The following NR2C2 variants were observed in gnomAD, a reference collection of about 807,000 sequenced individuals.
NR2C2 encodes the protein nuclear receptor subfamily 2 group C member 2.
In NR2C2, 6 loss-of-function variants were observed where a neutral mutation model predicts 62.9. The ratio of observed to expected loss-of-function variants is 0.10; its 90% CI spans 0.05 to 0.19. NR2C2 has a LOEUF of 0.19. Ranked by LOEUF, NR2C2 falls within the 10% of genes least tolerant of loss-of-function variation. The probability of loss-of-function intolerance (pLI) is 1.00; values close to 1 mark genes in which losing one functional copy is unlikely to be tolerated. For synonymous variants in NR2C2, 272 were observed against 273.8 expected (o/e 0.99, Z 0.07); for missense variants, 479 against 762.7 (o/e 0.63, Z 4.38).
intron 1 of NR2C2, among the ~76,000 whole-genome samples, chr3:14,979,863 G>A (rs910534473): frequency 5.3e-5 from 8 of 152,064 alleles, no homozygotes; most frequent in African/African-American, 1.9e-4. Context: ...TATATTTTGG[G>A]GAGGTATTGG....
chr3:15,034,624 G>T, intron 10 of NR2C2, 46 bp from the exon 11 acceptor site: 1 of 1,594,054 alleles, frequency 6.3e-7, no homozygotes. Flanking sequence ...CAACCTTGGA[G>T]AAATGCCAAC....
chr3:15,034,450 T>G, intron 10 of NR2C2: 1 of 476,702 alleles, frequency 2.1e-6, no homozygotes, highest in South Asian at 3.9e-5. Context: ...AGAATGTTTT[T>G]TAAGAGAATA....
At chr3:14,997,743 T>A (rs548654705) in intron 1 of NR2C2, among the ~76,000 whole-genome samples, 7 of 152,270 alleles carry the variant, frequency 4.6e-5, no homozygotes, top group African/African-American at 9.6e-5. Flanking sequence ...GAAAAAAAAA[T>A]TTAATAGCCC....
At chr3:15,033,260 G>A (rs147245816) in intron 10 of NR2C2, among the ~76,000 whole-genome samples, 651 of 152,352 alleles carry the variant, frequency 4.3e-3, no homozygotes, top group Admixed American at 0.012. Context: ...AGACCTGGTT[G>A]TCGGGCCATA....
At chr3:14,968,887 A>C (rs1356826505) in intron 1 of NR2C2, among the ~76,000 whole-genome samples, 1 of 147,584 alleles carries the variant, frequency 6.8e-6, no homozygotes, top group South Asian at 2.2e-4. Flanking sequence ...TCGCAAGAAC[A>C]AAAAACCAAA....
At position 15,047,427 on chromosome 3, in the gene NR2C2, T is replaced by G. The variant is rs1201128946; in HGVS notation, c.*4419T>G. On this transcript the variant is annotated 3_prime_UTR_variant, in exon 14 of 14. Transcript: ENST00000425241. ...GTTTATCTTAATATCCAAAACTAAG[T>G]GGGAATTTTTAACCTTTTCATGCAC... 1 of 152,158 alleles carries G rather than the reference T, an allele frequency of 6.6e-6. No homozygotes were observed. Among genetic ancestry groups the G allele is most frequent in the Non-Finnish European group, 1.5e-5 (1 of 68,030 alleles). 9.4% of individuals were successfully genotyped at this position (152,158 alleles called of 1,614,324 possible).
chr3:15,002,433 C>T (rs557760550), intron 1 of NR2C2, among the ~76,000 whole-genome samples: 6 of 152,040 alleles, frequency 3.9e-5, no homozygotes, highest in Non-Finnish European at 7.4e-5. Context: ...CCCAGTTATT[C>T]GTGGTGTATA....
At chr3:15,021,369 C>T (rs2041664030) in intron 5 of NR2C2, among the ~76,000 whole-genome samples, 1 of 152,130 alleles carries the variant, frequency 6.6e-6, no homozygotes, top group Non-Finnish European at 1.5e-5. Flanking sequence ...TCTTCTTAGC[C>T]CCTCTACTTT....
rs533936907 is a variant in NR2C2 at position 15,042,628 on chromosome 3, T to C, written c.1617-206T>C. 17 of 529,996 alleles carry C rather than the reference T, an allele frequency of 3.2e-5. No homozygotes were observed. The East Asian group carries it at 3.9e-4, about 12-fold the overall frequency. 32.8% of individuals were successfully genotyped at this position (529,996 alleles called of 1,614,324 possible). On this transcript the variant is annotated intron_variant, in intron 13 of 13. Coordinates refer to ENST00000425241, the MANE Select transcript of NR2C2 (RefSeq NM_001291694.2). ...TAAACAAGAGTGAAGGGAACACATC[T>C]GTACATACATTTTGTACTCATTTGG...
At chr3:15,042,642 G>A (rs1357734872) in intron 13 of NR2C2, 192 bp from the exon 14 acceptor site, 4 of 565,642 alleles carry the variant, frequency 7.1e-6, no homozygotes, top group African/African-American at 1.9e-5. Context: ...CATACATTTT[G>A]TACTCATTTG....
intron 1 of NR2C2, among the ~76,000 whole-genome samples, chr3:14,957,331 T>C (rs758458470): frequency 9.2e-5 from 14 of 152,354 alleles, no homozygotes; most frequent in Non-Finnish European, 1.3e-4. Flanking sequence ...TTCAGGTGTT[T>C]CCAGAGCCCA....
chr3:14,962,809 C>T (rs114774102), intron 1 of NR2C2, among the ~76,000 whole-genome samples: 2,417 of 152,040 alleles, frequency 0.016, 67 homozygotes, highest in African/African-American at 0.054. Flanking sequence ...GTTTCTCGTA[C>T]GCTTGATTCT....
intron 1 of NR2C2, among the ~76,000 whole-genome samples, chr3:14,963,475 A>ATTTTTT (rs1346531597): frequency 1.3e-5 from 2 of 151,912 alleles, no homozygotes; most frequent in Non-Finnish European, 2.9e-5. Flanking sequence ...TTTATTTTTT[A>ATTTTTT]TTTTTTATTT....
chr3:15,009,657 T>A (rs573170345), intron 2 of NR2C2, among the ~76,000 whole-genome samples: 1 of 152,338 alleles, frequency 6.6e-6, no homozygotes, highest in East Asian at 1.9e-4. Context: ...TTAAGAACTT[T>A]TGTTCCAAGT....
At chr3:14,983,266 C>T (rs915146526) in intron 1 of NR2C2, among the ~76,000 whole-genome samples, 1 of 152,122 alleles carries the variant, frequency 6.6e-6, no homozygotes, top group African/African-American at 2.4e-5. Flanking sequence ...TTCCTAGCCT[C>T]GGATAACCAT....
chr3:15,035,478 T>TATA (rs1229219082), intron 11 of NR2C2, among the ~76,000 whole-genome samples: 10 of 152,270 alleles, frequency 6.6e-5, no homozygotes, highest in Non-Finnish European at 1.2e-4. Flanking sequence ...TTTTCTCATG[T>TATA]ATAATAGTTC....
chr3:15,049,096 A>G lies in NR2C2; in HGVS notation c.*6088A>G, dbSNP rs773183266. ...CTTTTTAAACTGAATTTTATATCTA[A>G]TCAATGTCTTCAGTCTTGAAGAAGA... On this transcript the variant is annotated 3_prime_UTR_variant, in exon 14 of 14. Coordinates refer to ENST00000425241, the MANE Select transcript of NR2C2 (RefSeq NM_001291694.2). 4 of 152,634 alleles carry G rather than the reference A, an allele frequency of 2.6e-5. No homozygotes were observed. The highest frequency in any genetic ancestry group is 5.9e-5 in the Non-Finnish European group (4 of 68,040). The allele number at this position is 152,634 out of a possible 1,614,324, so 9.5% of individuals were successfully genotyped here. A position where few individuals can be genotyped will look rare whatever the true frequency, so the allele number is the denominator to read the frequency against.
At chr3:14,989,469 T>C (rs920200140) in intron 1 of NR2C2, among the ~76,000 whole-genome samples, 22 of 152,080 alleles carry the variant, frequency 1.4e-4, no homozygotes, top group African/African-American at 5.1e-4. Flanking sequence ...ACACTTTAAG[T>C]GAAAGAGGAA....
intron 2 of NR2C2, among the ~76,000 whole-genome samples, chr3:15,008,036 T>C (rs1240120565): frequency 6.6e-6 from 1 of 152,132 alleles, no homozygotes; most frequent in Admixed American, 6.5e-5. Flanking sequence ...AGGGATAAAC[T>C]GGAGAGGCTA....
Sources: allele counts gnomAD v4.1 joint callset (sites outside exome capture counted in the v4.1 genomes callset), GRCh38; gene constraint gnomAD v4.1.1; transcripts MANE v1.5; gene names NCBI Gene and HGNC (gene_info 2026-07-23, HGNC 2026-07-21).